The following THBS2 variants were observed in gnomAD, a reference collection of about 807,000 sequenced individuals.
The protein encoded by THBS2 is thrombospondin 2, also known as thrombospondin-2.
A neutral mutation model predicts 135.2 loss-of-function variants in THBS2; 47 were observed. That is an observed-to-expected ratio of 0.35 (90% CI 0.28 to 0.44). The LOEUF (loss-of-function observed/expected upper bound fraction) is 0.44. Among genes scored for constraint, THBS2 ranks in the 20% least tolerant of loss-of-function variants. The pLI is 1.00. For synonymous variants in THBS2, 639 were observed against 633.8 expected, an observed-to-expected ratio of 1.01 and a Z score of -0.12; for missense variants, 1,288 against 1,603.1, an observed-to-expected ratio of 0.80 and a Z score of 3.36.
At chr6:169,222,882 G>A (rs2114976497) in intron 18 of THBS2, among the ~76,000 whole-genome samples, 1 of 152,044 alleles carries the variant, frequency 6.6e-6, no homozygotes, top group Admixed American at 6.5e-5. Context: ...GACAGTGGAT[G>A]CCCAGCAGGC....
At position 169,240,425 on chromosome 6, in the gene THBS2, C is replaced by T. The variant is rs1424406607; in HGVS notation, c.1032+27G>A. ...CAAGTGTCCGATGGTGGCCTCTTCC[C>T]CCAAGAGCCGTGTTCTGGGGCCTCA... On this transcript the variant is annotated intron_variant, in intron 6 of 21. Coordinates refer to ENST00000617924, the MANE Select transcript of THBS2 (RefSeq NM_003247.5). 3 of 1,609,782 alleles carry T rather than the reference C, an allele frequency of 1.9e-6. No individual in the cohort carries two copies. The Admixed American group carries it at 5.0e-5, about 27-fold the overall frequency.
intron 4 of THBS2, among the ~76,000 whole-genome samples, chr6:169,243,387 C>T (rs1435142572): frequency 6.6e-6 from 1 of 152,220 alleles, no homozygotes; most frequent in Non-Finnish European, 1.5e-5. Flanking sequence ...CCGGAGCTCA[C>T]CTCACCCCCA....
At chr6:169,236,390 A>C (rs1583413955) in intron 9 of THBS2, among the ~76,000 whole-genome samples, 1 of 65,698 alleles carries the variant, frequency 1.5e-5, no homozygotes, top group South Asian at 6.0e-4. Flanking sequence ...CACACTCCCC[A>C]TCCACACTCA....
chr6:169,249,094 G>A (rs1780670757), intron 2 of THBS2, 121 bp from the exon 3 acceptor site: 7 of 931,520 alleles, frequency 7.5e-6, no homozygotes, highest in African/African-American at 1.7e-5. Context: ...CCAATATCCC[G>A]CAGCTTCTCT....
chr6:169,232,574 C>G, intron 12 of THBS2, 90 bp downstream of exon 12: 1 of 1,520,398 alleles, frequency 6.6e-7, no homozygotes, highest in Non-Finnish European at 8.8e-7. Context: ...CCACGCCACC[C>G]CTTCCTCTCC....
rs1330404563 is a variant in THBS2, at chr6:169,228,042, C to G, written c.2419+80G>C. Reference sequence around the variant, plus strand: ...ATCGCAGTGAGCCAAGATGGTGCTACTGCCCTGGGCAACAATAGTGAAACT... The same window carrying G: ...ATCGCAGTGAGCCAAGATGGTGCTAGTGCCCTGGGCAACAATAGTGAAACT... On this transcript the variant is annotated intron_variant, in intron 15 of 21. Coordinates refer to ENST00000617924, the MANE Select transcript of THBS2 (RefSeq NM_003247.5). 3.4e-6 allele frequency: 5 copies of G among 1,489,506 alleles called. No homozygotes were observed. In the South Asian group the frequency reaches 4.1e-5, roughly 12 times the overall value. The allele number at this position is 1,489,506 out of a possible 1,614,324, so 92.3% of individuals were successfully genotyped here.
chr6:169,243,562 A>G (rs1371105148), intron 4 of THBS2, among the ~76,000 whole-genome samples: 1 of 152,240 alleles, frequency 6.6e-6, no homozygotes, highest in African/African-American at 2.4e-5. Context: ...TGCAATTCAT[A>G]CTAAGCTCAG....
At chr6:169,225,019 G>C (rs1779570698) in intron 17 of THBS2, 126 bp downstream of exon 17, 10 of 902,982 alleles carry the variant, frequency 1.1e-5, no homozygotes, top group Non-Finnish European at 1.8e-5. Context: ...AGCTTTAAGA[G>C]GCCCAAAGTC....
chr6:169,239,718 A>G, intron 6 of THBS2, 23 bp from the exon 7 acceptor site: 2 of 1,553,664 alleles, frequency 1.3e-6, no homozygotes, highest in Middle Eastern at 1.7e-4. Context: ...AAAGGCATGC[A>G]TGGAACACTC....
intron 21 of THBS2, among the ~76,000 whole-genome samples, chr6:169,219,254 GTGGATGGGTGGGTGGA>G (rs1275468985): frequency 4.7e-5 from 4 of 84,882 alleles, no homozygotes; most frequent in East Asian, 3.7e-4. Context: ...AGATGGATAG[GTGGATGGGTGGGTGGA>G]TGGATGGATG....
chr6:169,224,636 A>G (rs911393207), intron 17 of THBS2, among the ~76,000 whole-genome samples: 1 of 152,194 alleles, frequency 6.6e-6, no homozygotes, highest in Non-Finnish European at 1.5e-5. Context: ...ACGCTGACTT[A>G]GAGGACTGCA....
chr6:169,237,040 TGCTGCTCG>T, intron 9 of THBS2, 122 bp downstream of exon 9: 1 of 1,060,070 alleles, frequency 9.4e-7, no homozygotes, highest in Admixed American at 2.8e-5. Context: ...CAGCCCCCTT[TGCTGCTCG>T]GCTGGGGCTG....
intron 8 of THBS2, 81 bp from the exon 9 acceptor site, chr6:169,237,427 G>C: frequency 6.5e-7 from 1 of 1,549,724 alleles, no homozygotes; most frequent in Non-Finnish European, 8.8e-7. Flanking sequence ...TATTAACCGA[G>C]GAGCATCTCA....
intron 21 of THBS2, among the ~76,000 whole-genome samples, chr6:169,218,236 C>A (rs111064716): frequency 5.3e-5 from 7 of 131,068 alleles, no homozygotes; most frequent in Admixed American, 1.5e-4. Context: ...GGTTGGGTGG[C>A]TGGATGAGAT....
chr6:169,224,200 G>A (rs1779537031), intron 17 of THBS2, among the ~76,000 whole-genome samples: 1 of 152,242 alleles, frequency 6.6e-6, no homozygotes, highest in Admixed American at 6.5e-5. Flanking sequence ...TTTCCGTTCT[G>A]TTCAAGAACA....
At chr6:169,234,124 C>A (rs574858564) in intron 10 of THBS2, among the ~76,000 whole-genome samples, 2 of 151,136 alleles carry the variant, frequency 1.3e-5, no homozygotes, top group Non-Finnish European at 3.0e-5. Context: ...CACAGCTACT[C>A]ACATGCCACG....
Position 169,220,335 on chromosome 6 carries a change from ACT to A in THBS2, c.3372_3373del (p.Arg1124SerfsTer5). On this transcript the variant is annotated frameshift_variant and splice_region_variant, in exon 21 of 22. Transcript: ENST00000617924. LOFTEE classifies it high-confidence loss of function. ...GACCTGTTTTCCTTCATGCACTAAG[ACT>A]CTAAAAATGGTGTTTAAAAAGAAGA... 2 of 1,605,618 alleles carry A rather than the reference ACT, an allele frequency of 1.2e-6. No homozygotes were observed. Among genetic ancestry groups the A allele is most frequent in the Non-Finnish European group, 1.7e-6 (2 of 1,176,494 alleles).
chr6:169,220,081 G>T, intron 21 of THBS2, 117 bp downstream of exon 21: 1 of 1,281,154 alleles, frequency 7.8e-7, no homozygotes, highest in Non-Finnish European at 1.1e-6. Flanking sequence ...GTGGTATTGT[G>T]CATTAGGTTT....
At position 169,222,240 on chromosome 6, in the gene THBS2, T is replaced by G. The variant is rs1779454001; in HGVS notation, c.3230A>C (p.His1077Pro). Residue 1077 changes from histidine to proline, a missense_variant, in exon 19 of 22, where the codon CAC becomes CCC. Coordinates refer to ENST00000617924, the MANE Select transcript of THBS2 (RefSeq NM_003247.5). ...VVNSTTGTGE[H>P]LRNALWHTGN... ...CGTGTGCCACAGCGCGTTCCTCAGG[T>G]GCTCGCCCGTCCCCGTGGTGGAGTT... 1.2e-6 allele frequency: 2 copies of G among 1,612,884 alleles called. No homozygotes were observed. Among genetic ancestry groups the G allele is most frequent in the Non-Finnish European group, 8.5e-7 (1 of 1,179,976 alleles).
Sources: allele counts gnomAD v4.1 joint callset (sites outside exome capture counted in the v4.1 genomes callset), GRCh38; gene constraint gnomAD v4.1.1; transcripts MANE v1.5; gene names NCBI Gene and HGNC (gene_info 2026-07-23, HGNC 2026-07-21).